The following STARD7 variants were observed in gnomAD, a reference collection of about 807,000 sequenced individuals.
STARD7 encodes StAR related lipid transfer domain containing 7.
A neutral mutation model predicts 45.3 loss-of-function variants in STARD7; 30 were observed. The observed-to-expected ratio is 0.66, with a 90% CI of 0.50 to 0.90. STARD7 has a LOEUF of 0.90. STARD7 is among the 40% of genes least tolerant of loss of function. The pLI is 0.00. For missense variants in STARD7, 495 were observed against 491.3 expected, an observed-to-expected ratio of 1.01 and a Z score of -0.07; for synonymous variants, 199 against 183.0, an observed-to-expected ratio of 1.09 and a Z score of -0.70.
At position 96,208,808 on chromosome 2, in the gene STARD7, G is replaced by C. The variant is rs1309481202; in HGVS notation, c.-374C>G. 1 of 402,324 alleles carries C rather than the reference G, an allele frequency of 2.5e-6. No homozygotes were observed. The highest frequency in any genetic ancestry group is 4.4e-6 in the Non-Finnish European group (1 of 226,862). The allele number at this position is 402,324 out of a possible 1,614,324, so 24.9% of individuals were successfully genotyped here. ...CAGGCCCAGCAGCACGCAAGCTCCC[G>C]CGCCTTCCGCGACTGCCACACGCGC... On this transcript the variant is annotated 5_prime_UTR_variant, in exon 1 of 8. Transcript: ENST00000337288.
intron 1 of STARD7, among the ~76,000 whole-genome samples, chr2:96,198,770 A>G (rs1224198638): frequency 6.6e-6 from 1 of 152,232 alleles, no homozygotes; most frequent in Non-Finnish European, 1.5e-5. Context: ...ATCCAAGGTC[A>G]TAAGAACTTA....
intron 6 of STARD7, among the ~76,000 whole-genome samples, chr2:96,191,630 C>T (rs1343907572): frequency 1.3e-5 from 2 of 151,816 alleles, no homozygotes; most frequent in Non-Finnish European, 2.9e-5. Context: ...GCCCTGCCTG[C>T]TTTCCTCTCT....
intron 6 of STARD7, 171 bp from the exon 7 acceptor site, chr2:96,187,472 G>T: frequency 1.8e-6 from 1 of 543,798 alleles, no homozygotes; most frequent in Non-Finnish European, 3.3e-6. Context: ...ACTATCTATA[G>T]AAAGGTCTCC....
chr2:96,200,870 G>C (rs1004073957), intron 1 of STARD7, among the ~76,000 whole-genome samples: 2 of 152,050 alleles, frequency 1.3e-5, no homozygotes, highest in African/African-American at 4.8e-5. Flanking sequence ...AAAGGTTACA[G>C]ATAAGAAACA....
chr2:96,192,197 C>T (rs974183250), intron 6 of STARD7, among the ~76,000 whole-genome samples, 172 bp downstream of exon 6: 16 of 152,182 alleles, frequency 1.1e-4, no homozygotes, highest in African/African-American at 3.6e-4. Context: ...CTTCCAGGTA[C>T]ATCACCTACG....
chr2:96,204,889 C>A (rs757713068), intron 1 of STARD7, among the ~76,000 whole-genome samples: 1 of 152,090 alleles, frequency 6.6e-6, no homozygotes, highest in Admixed American at 6.5e-5. Flanking sequence ...CTTTATGCAA[C>A]TTTAATGGCA....
chr2:96,202,877 G>A (rs1163289507), intron 1 of STARD7, among the ~76,000 whole-genome samples: 1 of 152,168 alleles, frequency 6.6e-6, no homozygotes, highest in East Asian at 1.9e-4. Flanking sequence ...TTAACTATAG[G>A]CAACATTTTT....
chr2:96,188,787 G>A (rs1489404375), intron 6 of STARD7, among the ~76,000 whole-genome samples: 12 of 151,702 alleles, frequency 7.9e-5, no homozygotes, highest in African/African-American at 2.2e-4. Context: ...CCAGCTACTC[G>A]GGAGGCTGAG....
At chr2:96,205,896 C>T (rs1276130417) in intron 1 of STARD7, among the ~76,000 whole-genome samples, 1 of 152,006 alleles carries the variant, frequency 6.6e-6, no homozygotes, top group Non-Finnish European at 1.5e-5. Flanking sequence ...CATGAAAAAC[C>T]AAATTCAAGC....
intron 1 of STARD7, among the ~76,000 whole-genome samples, chr2:96,204,731 C>T (rs1333585521): frequency 7.0e-5 from 9 of 128,728 alleles, no homozygotes; most frequent in Non-Finnish European, 1.3e-4. Flanking sequence ...CAGTAAGATA[C>T]CCTGAAGTGA....
chr2:96,199,605 TAGAG>T lies in STARD7; in HGVS notation c.291-4060_291-4057del, dbSNP rs200192189. Among the ~76,000 whole-genome samples, 1,073 of 152,298 alleles carry T rather than the reference TAGAG, an allele frequency of 7.0e-3. 12 individuals are homozygous for T. Among genetic ancestry groups the T allele is most frequent in the African/African-American group, 0.024 (997 of 41,560 alleles). ...AATATAAGATCATGTCAGCTGCAAA[TAGAG>T]ATAGTTTTATTTCTTCTTTCCAATC... is the stretch of plus-strand genomic sequence containing the variant. On this transcript the variant is annotated intron_variant, in intron 1 of 7. Coordinates refer to ENST00000337288, the MANE Select transcript of STARD7 (RefSeq NM_020151.4).
chr2:96,188,785 T>C (rs1683077274), intron 6 of STARD7, among the ~76,000 whole-genome samples: 1 of 150,974 alleles, frequency 6.6e-6, no homozygotes. Context: ...TCCCAGCTAC[T>C]CGGGAGGCTG....
At chr2:96,188,534 C>A (rs1219412419) in intron 6 of STARD7, among the ~76,000 whole-genome samples, 1 of 151,208 alleles carries the variant, frequency 6.6e-6, no homozygotes, top group Admixed American at 6.6e-5. Context: ...CTTGGCCTCC[C>A]AAAGTGCTGG....
In STARD7 at chr2:96,208,176, C is replaced by T. The variant is rs1214129859; in HGVS notation, c.259G>A (p.Glu87Lys). The T allele has an allele frequency of 3.7e-6, 6 of 1,602,268 alleles. No individual in the cohort carries two copies. The highest frequency in any genetic ancestry group is 3.4e-6 in the Non-Finnish European group (4 of 1,175,128). Residue 87 changes from glutamate (E) to lysine (K), a missense_variant, in exon 1 of 8, where the codon GAG becomes AAG. This residue lies in a region of STARD7 where 282 missense variants were observed against 220.1 expected (regional missense o/e 1.28). Transcript: ENST00000337288. Reference sequence around the variant, plus strand: ...AACTCCTCCTCCTGGATCCTCTCCTCGTCCCAAACGAAGACGCCGGCTAAC... The same window carrying T: ...AACTCCTCCTCCTGGATCCTCTCCTTGTCCCAAACGAAGACGCCGGCTAAC... ...AALAGVFVWD[E>K]ERIQEEELQR... is the part of the protein sequence containing the mutation.
At position 96,208,406 on chromosome 2, in the gene STARD7, C is replaced by G. The variant is rs1670307415; in HGVS notation, c.29G>C (p.Trp10Ser). Reference sequence around the variant, plus strand: ...GCCCCCGCCCCGCGTCCCCGCCAGCCAGGCGGCCAGCAGCCTCCGCGGGAG... The same window carrying G: ...GCCCCCGCCCCGCGTCCCCGCCAGCGAGGCGGCCAGCAGCCTCCGCGGGAG... MLPRRLLAA[W>S]LAGTRGGGLL... Residue 10 changes from tryptophan to serine, a missense_variant, in exon 1 of 8, where the codon TGG becomes TCG. Coordinates refer to ENST00000337288, the MANE Select transcript of STARD7 (RefSeq NM_020151.4). 7.0e-7 allele frequency: 1 copy of G among 1,438,486 alleles called. No individual in the cohort carries two copies. Among genetic ancestry groups the G allele is most frequent in the Non-Finnish European group, 9.0e-7 (1 of 1,106,260 alleles). The allele number at this position is 1,438,486 out of a possible 1,614,324, so 89.1% of individuals were successfully genotyped here. A position where few individuals can be genotyped will look rare whatever the true frequency, so the allele number is the denominator to read the frequency against.
At position 96,193,272 on chromosome 2, in the gene STARD7, G is replaced by T; in HGVS notation, c.630C>A (p.Ser210=). 1 of 1,613,758 alleles carries T rather than the reference G, an allele frequency of 6.2e-7. No individual in the cohort carries two copies. The highest frequency in any genetic ancestry group is 1.3e-5 in the African/African-American group (1 of 75,018). ...AATGGGTTACCCAGTGAAGAACCTC[G>T]GAACCACTAACCACATCCCTCTCAA... ...EVIERDVVSG[S]EVLHWVTHFP... Residue 210 remains serine, a synonymous_variant, in exon 4 of 8, where the codon TCC becomes TCA. Transcript: ENST00000337288.
intron 1 of STARD7, among the ~76,000 whole-genome samples, chr2:96,206,006 C>T (rs953365902): frequency 2.0e-5 from 3 of 152,152 alleles, no homozygotes; most frequent in Admixed American, 6.5e-5. Context: ...CATCTGAACT[C>T]CTGAAATTCC....
chr2:96,186,691 G>C lies in STARD7; in HGVS notation c.*39C>G, dbSNP rs1167973879. The C allele has an allele frequency of 2.0e-6, 3 of 1,532,434 alleles. No individual in the cohort carries two copies. Among genetic ancestry groups the C allele is most frequent in the Admixed American group, 3.8e-5 (2 of 52,988 alleles). The allele number at this position is 1,532,434 out of a possible 1,614,324, so 94.9% of individuals were successfully genotyped here. A position where few individuals can be genotyped will look rare whatever the true frequency, so the allele number is the denominator to read the frequency against. ...AGCAGAGTGATAACGGACTGAGACA[G>C]GGCTAGAAGCACCTTGTCCCTTCTT... On this transcript the variant is annotated 3_prime_UTR_variant, in exon 8 of 8. Transcript: ENST00000337288.
intron 6 of STARD7, 40 bp downstream of exon 6, chr2:96,192,329 C>T: frequency 1.4e-6 from 2 of 1,477,982 alleles, no homozygotes; most frequent in Non-Finnish European, 1.9e-6. Context: ...GAAAATTCCA[C>T]AGCCATGACA....
Sources: gnomAD v4.1 joint callset for allele counts (sites outside exome capture counted in the v4.1 genomes callset) on GRCh38, gnomAD v4.1.1 for gene constraint, gnomAD v4.1.1 regional missense constraint, MANE v1.5 for transcripts, NCBI Gene and HGNC (gene_info 2026-07-23, HGNC 2026-07-21) for gene names.